The following GIMAP1 variants were observed in gnomAD, a reference collection of about 807,000 sequenced individuals.
GIMAP1 encodes the protein GTPase IMAP family member 1.
For missense variants in GIMAP1, 423 were observed against 411.9 expected, an observed-to-expected ratio of 1.03 and a Z score of -0.23; for synonymous variants, 230 against 187.7, an observed-to-expected ratio of 1.23 and a Z score of -1.84.
chr7:150,719,143 G>A (rs540805022), intron 2 of GIMAP1, 53 bp downstream of exon 2: 1 of 1,611,688 alleles, frequency 6.2e-7, no homozygotes, highest in African/African-American at 1.3e-5. Flanking sequence ...TGAACTTAGG[G>A]TAATAAGGAG....
rs1198427324 is a variant in GIMAP1, at chr7:150,720,629, G to A, written c.625G>A (p.Glu209Lys). The A allele has an allele frequency of 1.9e-6, 3 of 1,612,720 alleles. No individual in the cohort carries two copies. The highest frequency in any genetic ancestry group is 1.7e-5 in the Admixed American group (1 of 59,854). Reference sequence around the variant, plus strand: ...GGTGGAGCAGCTGCTGGGGATGGTCGAGGGCTTGGTGCTGGAGCACAAGGG... The same window carrying A: ...GGTGGAGCAGCTGCTGGGGATGGTCAAGGGCTTGGTGCTGGAGCACAAGGG... ...AQVEQLLGMV[E>K]GLVLEHKGAH... Residue 209 changes from glutamate to lysine, a missense_variant, in exon 3 of 3, where the codon GAG (glutamate) becomes AAG (lysine). Glu to Lys is a moderately conservative substitution (Grantham distance 56). Transcript: ENST00000307194. The surrounding 1 kb of genome is among the most constrained non-coding windows in gnomAD (Gnocchi z 4.5).
chr7:150,720,526 G>A lies in GIMAP1; in HGVS notation c.522G>A (p.Leu174=). The A allele has an allele frequency of 6.2e-7, 1 of 1,605,834 alleles. No individual in the cohort carries two copies. Among genetic ancestry groups the A allele is most frequent in the Non-Finnish European group, 8.5e-7 (1 of 1,176,162 alleles). Residue 174 remains leucine, a synonymous_variant, in exon 3 of 3, where the codon TTG becomes TTA. Coordinates refer to ENST00000307194, the MANE Select transcript of GIMAP1 (RefSeq NM_130759.4). The surrounding 1 kb of genome is among the most constrained non-coding windows in gnomAD (Gnocchi z 4.5). The stretch of plus-strand genomic sequence containing the variant: ...TGAGCAACACAGAGAACCGGGCCTT[G>A]CGCGAGCTGGTGGCCGAGTGCGGGG... The part of the protein sequence containing the change: ...DYVSNTENRA[L]RELVAECGGR...
At chr7:150,718,642 G>A (rs1272454939) in intron 1 of GIMAP1, among the ~76,000 whole-genome samples, 2 of 152,156 alleles carry the variant, frequency 1.3e-5, no homozygotes, top group Non-Finnish European at 2.9e-5. Flanking sequence ...TTGAGTAAAT[G>A]TTATAACCGA....
intron 2 of GIMAP1, 150 bp downstream of exon 2, chr7:150,719,240 T>A (rs1039874211): frequency 1.1e-6 from 1 of 909,032 alleles, no homozygotes; most frequent in Non-Finnish European, 1.7e-6. Context: ...GAGATCTGCA[T>A]TTTAGCTGGA....
Position 150,720,707 on chromosome 7 carries a change from G to C in GIMAP1, c.703G>C (p.Gly235Arg), listed in dbSNP as rs1398924670. ...GCTGGCGCAGGTGCTGCGCTGGGCAGGCCCTGAGGAGCGGCTCCGGCGGGT... is the reference window on the plus strand; with the variant it reads ...GCTGGCGCAGGTGCTGCGCTGGGCACGCCCTGAGGAGCGGCTCCGGCGGGT... ...YELAQVLRWA[G>R]PEERLRRVAE... Residue 235 changes from glycine to arginine, a missense_variant, in exon 3 of 3, where the codon GGC (glycine) becomes CGC (arginine). Coordinates refer to ENST00000307194, the MANE Select transcript of GIMAP1 (RefSeq NM_130759.4). This position sits in a 1 kb window ranked among gnomAD's most constrained non-coding sequence, Gnocchi z 4.5. 4 of 1,582,396 alleles carry C rather than the reference G, an allele frequency of 2.5e-6. No individual in the cohort carries two copies.
rs781321493 is a variant in GIMAP1, at chr7:150,720,060, A to G, written c.56A>G (p.Asn19Ser). ...CTTGGTCTCACAGGTTTAGAAGAGA[A>G]CGCTCAGTCCCGGCAGGAGTCCACG... ...DEENVYGLEE[N>S]AQSRQESTRR... is the part of the protein sequence containing the mutation. Residue 19 changes from asparagine (N) to serine (S), a missense_variant, in exon 3 of 3, where the codon AAC (asparagine) becomes AGC (serine). By Grantham distance (46) the Asn-to-Ser change is conservative. Transcript: ENST00000307194. This position sits in a 1 kb window ranked among gnomAD's most constrained non-coding sequence, Gnocchi z 4.5. The G allele has an allele frequency of 6.3e-7, 1 of 1,596,524 alleles. No homozygotes were observed. Among genetic ancestry groups the G allele is most frequent in the Non-Finnish European group, 8.5e-7 (1 of 1,169,992 alleles).
chr7:150,717,827 G>C (rs568416189), intron 1 of GIMAP1, among the ~76,000 whole-genome samples: 4 of 152,290 alleles, frequency 2.6e-5, no homozygotes, highest in South Asian at 2.1e-4. Flanking sequence ...TTTATTGAAG[G>C]CTTTGGGGAG....
Position 150,721,185 on chromosome 7 carries a change from T to C in GIMAP1, c.*260T>C, listed in dbSNP as rs1797298441. 1 of 368,124 alleles carries C rather than the reference T, an allele frequency of 2.7e-6. No individual in the cohort carries two copies. The highest frequency in any genetic ancestry group is 2.1e-5 in the African/African-American group (1 of 47,546). 22.8% of individuals were successfully genotyped at this position (368,124 alleles called of 1,614,324 possible). ...CAATAACTTCCTTTGGTAGTTTTGG[T>C]AGTCTAATGTCAAGTAGCTTGTAGT... is the stretch of plus-strand genomic sequence containing the variant. On this transcript the variant is annotated 3_prime_UTR_variant, in exon 3 of 3. Transcript: ENST00000307194.
chr7:150,719,521 C>T (rs377227643), intron 2 of GIMAP1: 2 of 167,388 alleles, frequency 1.2e-5, no homozygotes, highest in African/African-American at 4.8e-5. Context: ...GGAAAGAGGG[C>T]TTATTTCACC....
rs1427159646 is a variant in GIMAP1 at position 150,720,391 on chromosome 7, G to C, written c.387G>C (p.Gln129His). The change falls in exon 3 of 3, where the codon CAG becomes CAC. Residue 129 changes from glutamine (Q) to histidine (H), a missense_variant. By Grantham distance (24) the Gln-to-His change is conservative. Transcript: ENST00000307194. The surrounding 1 kb of genome is among the most constrained non-coding windows in gnomAD (Gnocchi z 4.5). ...TQLGRFTAQD[Q>H]QAVRQVRDMF... ...TGGGTCGGTTCACCGCCCAGGACCA[G>C]CAGGCGGTGAGGCAGGTGAGGGACA... The C allele has an allele frequency of 6.3e-7, 1 of 1,595,024 alleles. No individual in the cohort carries two copies. The highest frequency in any genetic ancestry group is 1.7e-5 in the Admixed American group (1 of 58,688).
At position 150,721,795 on chromosome 7, in the gene GIMAP1, A is replaced by G. The variant is rs1195929233; in HGVS notation, c.*870A>G. 1.9e-5 allele frequency: 1 copy of G among 53,594 alleles called. No homozygotes were observed. 3.3% of individuals were successfully genotyped at this position (53,594 alleles called of 1,614,324 possible). Reference sequence around the variant, plus strand: ...GGTGACAAAGCAAGAATCTGTCTCAAAAAAAAAAAAAGAAAAGAAAAGAAA... The same window carrying G: ...GGTGACAAAGCAAGAATCTGTCTCAGAAAAAAAAAAAGAAAAGAAAAGAAA... On this transcript the variant is annotated 3_prime_UTR_variant, in exon 3 of 3. Transcript: ENST00000307194.
chr7:150,718,650 C>T (rs529091038), intron 1 of GIMAP1, among the ~76,000 whole-genome samples: 2 of 152,232 alleles, frequency 1.3e-5, no homozygotes, highest in East Asian at 3.9e-4. Flanking sequence ...ATGTTATAAC[C>T]GACCCTCTGC....
chr7:150,721,581 C>G lies in GIMAP1; in HGVS notation c.*656C>G, dbSNP rs145334505. The G allele has an allele frequency of 1.3e-5, 2 of 152,124 alleles. No homozygotes were observed. The highest frequency in any genetic ancestry group is 4.8e-5 in the African/African-American group (2 of 41,408). The allele number at this position is 152,124 out of a possible 1,614,324, so 9.4% of individuals were successfully genotyped here. A position where few individuals can be genotyped will look rare whatever the true frequency, so the allele number is the denominator to read the frequency against. On this transcript the variant is annotated 3_prime_UTR_variant, in exon 3 of 3. Coordinates refer to ENST00000307194, the MANE Select transcript of GIMAP1 (RefSeq NM_130759.4). ...ATCCCAACACTTTGGGAGGTCGAGGCAGGTGGATCACCTGAGGTCAGGAGT... is the reference window on the plus strand; with the variant it reads ...ATCCCAACACTTTGGGAGGTCGAGGGAGGTGGATCACCTGAGGTCAGGAGT...
chr7:150,718,279 A>T (rs1427846734), intron 1 of GIMAP1, among the ~76,000 whole-genome samples: 1 of 152,168 alleles, frequency 6.6e-6, no homozygotes, highest in Non-Finnish European at 1.5e-5. Flanking sequence ...GCATAATCAC[A>T]TTTGGAGGGG....
intron 1 of GIMAP1, among the ~76,000 whole-genome samples, 193 bp from the exon 2 acceptor site, chr7:150,718,849 C>G (rs1301337576): frequency 6.6e-6 from 1 of 152,218 alleles, no homozygotes; most frequent in Non-Finnish European, 1.5e-5. Flanking sequence ...TTCTCTCTAG[C>G]CACGTGCCCT....
chr7:150,718,979 GTGGTTATGCCTATT>G, intron 1 of GIMAP1, 49 bp from the exon 2 acceptor site: 1 of 1,479,718 alleles, frequency 6.8e-7, no homozygotes, highest in Non-Finnish European at 8.9e-7. Flanking sequence ...ATGCCTATTT[GTGGTTATGCCTATT>G]TGAGGAATAA....
Position 150,720,588 on chromosome 7 carries a change from G to GAGAGCAGGAAGCCCAGGT in GIMAP1, c.584_585insAGAGCAGGAAGCCCAGGT (p.Glu198_Gln203dup). On this transcript the variant is annotated inframe_insertion, in exon 3 of 3. Coordinates refer to ENST00000307194, the MANE Select transcript of GIMAP1 (RefSeq NM_130759.4). The surrounding 1 kb of genome is among the most constrained non-coding windows in gnomAD (Gnocchi z 4.5). Reference sequence around the variant, plus strand: ...GCCTTTGATAACCGGGCCACCGGCCGGGAGCAGGAAGCCCAGGTGGAGCAG... The same window carrying GAGAGCAGGAAGCCCAGGT: ...GCCTTTGATAACCGGGCCACCGGCCGAGAGCAGGAAGCCCAGGTGGAGCAGGAAGCCCAGGTGGAGCAG... 6.2e-7 allele frequency: 1 copy of GAGAGCAGGAAGCCCAGGT among 1,613,804 alleles called. No homozygotes were observed. The highest frequency in any genetic ancestry group is 8.5e-7 in the Non-Finnish European group (1 of 1,179,840).
At chr7:150,717,184 G>A (rs939642945) in intron 1 of GIMAP1, among the ~76,000 whole-genome samples, 9 of 152,110 alleles carry the variant, frequency 5.9e-5, no homozygotes, top group Admixed American at 2.0e-4. Flanking sequence ...TAATATCTTG[G>A]TCTTCAACCC....
chr7:150,719,126 C>A, intron 2 of GIMAP1, 36 bp downstream of exon 2: 1 of 1,613,814 alleles, frequency 6.2e-7, no homozygotes, highest in Non-Finnish European at 8.5e-7. Flanking sequence ...ACTTGCCCCC[C>A]TAGGCTTGAA....
Sources: gnomAD v4.1 joint callset for allele counts (sites outside exome capture counted in the v4.1 genomes callset) on GRCh38, gnomAD v4.1.1 for gene constraint, Gnocchi (gnomAD v3.1) non-coding constraint, MANE v1.5 for transcripts, NCBI Gene and HGNC (gene_info 2026-07-23, HGNC 2026-07-21) for gene names.